PDE3A: variants seen among roughly 807,000 people sequenced by gnomAD.
PDE3A encodes the protein cGMP-inhibited 3',5'-cyclic phosphodiesterase 3A.
A neutral mutation model predicts 98.3 loss-of-function variants in PDE3A; 43 were observed. The ratio of observed to expected loss-of-function variants is 0.44; its 90% CI spans 0.34 to 0.56. PDE3A has a LOEUF of 0.56. PDE3A is among the 20% of genes least tolerant of loss of function. PDE3A has a pLI of 0.01. For missense variants in PDE3A, 1,427 were observed against 1,440.7 expected (o/e 0.99, Z 0.15); for synonymous variants, 663 against 567.9 (o/e 1.17, Z -2.38).
At chr12:20,598,680 C>A (rs1943522698) in intron 2 of PDE3A, among the ~76,000 whole-genome samples, 1 of 152,010 alleles carries the variant, frequency 6.6e-6, no homozygotes, top group African/African-American at 2.4e-5. Context: ...TTTTGTGAAG[C>A]CTGGGGTACT....
chr12:20,525,552 C>A (rs1367719588), intron 1 of PDE3A, among the ~76,000 whole-genome samples: 1 of 151,668 alleles, frequency 6.6e-6, no homozygotes, highest in Non-Finnish European at 1.5e-5. Context: ...ATTGAAGCAA[C>A]AAGAAAATTG....
chr12:20,617,443 G>A (rs1401285242), intron 4 of PDE3A, among the ~76,000 whole-genome samples: 1 of 151,926 alleles, frequency 6.6e-6, no homozygotes, highest in Non-Finnish European at 1.5e-5. Flanking sequence ...CTGGACTTTT[G>A]TAAAACTTGT....
At chr12:20,628,158 A>C (rs1198634947) in intron 5 of PDE3A, among the ~76,000 whole-genome samples, 1 of 152,182 alleles carries the variant, frequency 6.6e-6, no homozygotes, top group East Asian at 1.9e-4. Context: ...TAGAGTTTCC[A>C]AATAAAATAT....
At chr12:20,551,382 C>A (rs1448770201) in intron 1 of PDE3A, among the ~76,000 whole-genome samples, 1 of 151,360 alleles carries the variant, frequency 6.6e-6, no homozygotes, top group Non-Finnish European at 1.5e-5. Flanking sequence ...ATCAATTTGT[C>A]CTCTTTTGTA....
intron 9 of PDE3A, among the ~76,000 whole-genome samples, chr12:20,639,279 A>G (rs906365052): frequency 1.3e-5 from 2 of 152,112 alleles, no homozygotes; most frequent in Admixed American, 6.6e-5. Context: ...ATAATTAACA[A>G]TTAGATCCAT....
intron 1 of PDE3A, among the ~76,000 whole-genome samples, chr12:20,378,408 C>T (rs936626866): frequency 1.3e-5 from 2 of 151,564 alleles, no homozygotes; most frequent in African/African-American, 4.8e-5. Context: ...TATAGATTAA[C>T]TTTTAAAAAT....
chr12:20,423,743 A>G (rs563623974), intron 1 of PDE3A, among the ~76,000 whole-genome samples: 4 of 152,222 alleles, frequency 2.6e-5, no homozygotes, highest in Admixed American at 2.6e-4. Flanking sequence ...CTCTGTAGCA[A>G]GTGAGCCAGA....
At chr12:20,522,163 A>G (rs1946442052) in intron 1 of PDE3A, among the ~76,000 whole-genome samples, 1 of 152,100 alleles carries the variant, frequency 6.6e-6, no homozygotes, top group African/African-American at 2.4e-5. Flanking sequence ...GGTTTGCTTA[A>G]GTTTACCCTA....
intron 1 of PDE3A, among the ~76,000 whole-genome samples, chr12:20,522,805 G>T (rs568186086): frequency 6.6e-6 from 1 of 152,046 alleles, no homozygotes; most frequent in African/African-American, 2.4e-5. Flanking sequence ...AATGAAATGG[G>T]GTGGGGCAGG....
At chr12:20,588,747 A>AAAG (rs758773597) in intron 2 of PDE3A, among the ~76,000 whole-genome samples, 2 of 152,112 alleles carry the variant, frequency 1.3e-5, no homozygotes, top group Non-Finnish European at 2.9e-5. Flanking sequence ...TGTAGGAGAA[A>AAAG]AAGAAGTTGA....
At chr12:20,478,927 C>G (rs1037978387) in intron 1 of PDE3A, among the ~76,000 whole-genome samples, 3 of 152,118 alleles carry the variant, frequency 2.0e-5, no homozygotes, top group African/African-American at 7.2e-5. Context: ...TTTTCTCATG[C>G]ATTTTTCTCA....
chr12:20,491,345 C>T (rs1228395282), intron 1 of PDE3A, among the ~76,000 whole-genome samples: 4 of 152,142 alleles, frequency 2.6e-5, no homozygotes, highest in South Asian at 2.1e-4. Context: ...GACGAACATT[C>T]GTGTTTTCTT....
At chr12:20,618,407 A>C (rs1044436309) in intron 4 of PDE3A, among the ~76,000 whole-genome samples, 1 of 130,562 alleles carries the variant, frequency 7.7e-6, no homozygotes, top group Non-Finnish European at 1.7e-5. Context: ...AGGAAGGACT[A>C]CATTGATCAA....
chr12:20,677,722 G>A (rs1422289920), intron 15 of PDE3A, among the ~76,000 whole-genome samples: 2 of 152,178 alleles, frequency 1.3e-5, no homozygotes, highest in Non-Finnish European at 2.9e-5. Flanking sequence ...GCCTTCCAAA[G>A]TGCTGAGATT....
At chr12:20,403,219 T>A (rs1442745632) in intron 1 of PDE3A, among the ~76,000 whole-genome samples, 3 of 152,204 alleles carry the variant, frequency 2.0e-5, no homozygotes, top group Non-Finnish European at 4.4e-5. Flanking sequence ...CAGAGACAAT[T>A]AAAATGTTTG....
At chr12:20,371,429 G>A (rs979856964) in intron 1 of PDE3A, 4 of 982,464 alleles carry the variant, frequency 4.1e-6, no homozygotes, top group Non-Finnish European at 4.8e-6. Flanking sequence ...CCTACCTGTG[G>A]TACTATTAGG....
At chr12:20,627,772 C>G (rs1944299046) in intron 5 of PDE3A, among the ~76,000 whole-genome samples, 1 of 152,150 alleles carries the variant, frequency 6.6e-6, no homozygotes, top group African/African-American at 2.4e-5. Flanking sequence ...TATTTTATAA[C>G]CTACTCCATC....
intron 2 of PDE3A, among the ~76,000 whole-genome samples, chr12:20,562,699 A>C (rs1942559327): frequency 6.6e-6 from 1 of 152,188 alleles, no homozygotes; most frequent in Admixed American, 6.5e-5. Context: ...CCAATAGTGA[A>C]AAACTAGCAA....
intron 2 of PDE3A, among the ~76,000 whole-genome samples, chr12:20,570,540 A>C (rs1202785399): frequency 6.6e-6 from 1 of 151,910 alleles, no homozygotes; most frequent in Non-Finnish European, 1.5e-5. Context: ...AATATAAGGA[A>C]TACATTTCTA....
Sources: gnomAD v4.1 joint callset for allele counts (sites outside exome capture counted in the v4.1 genomes callset) on GRCh38, gnomAD v4.1.1 for gene constraint, MANE v1.5 for transcripts, NCBI Gene and HGNC (gene_info 2026-07-23, HGNC 2026-07-21) for gene names.